Variants in SUMF1 observed in about 807,000 individuals in gnomAD.
SUMF1 encodes the protein sulfatase modifying factor 1, also known as formylglycine-generating enzyme.
A neutral mutation model predicts 47.6 loss-of-function variants in SUMF1; 48 were observed. The observed-to-expected ratio is 1.01, with a 90% CI of 0.80 to 1.28. The LOEUF (loss-of-function observed/expected upper bound fraction) is 1.28. Among genes scored for constraint, SUMF1 ranks in the 50% most tolerant of loss-of-function variants. SUMF1 has a pLI of 0.00. For missense variants in SUMF1, 571 were observed against 485.4 expected, an observed-to-expected ratio of 1.18 and a Z score of -1.66; for synonymous variants, 230 against 192.1, an observed-to-expected ratio of 1.20 and a Z score of -1.63.
Position 4,361,948 on chromosome 3 carries a change from C to T in SUMF1, c.*196G>A. On this transcript the variant is annotated 3_prime_UTR_variant, in exon 9 of 9. Transcript: ENST00000272902. ...AATATGGTGATGATCTCCAAAGATG[C>T]ACCACACCATAAAGCACATGCACTG... 1.7e-6 allele frequency: 1 copy of T among 589,300 alleles called. No individual in the cohort carries two copies. Among genetic ancestry groups the T allele is most frequent in the Non-Finnish European group, 3.1e-6 (1 of 327,720 alleles). The allele number at this position is 589,300 out of a possible 1,614,324, so 36.5% of individuals were successfully genotyped here. A position where few individuals can be genotyped will look rare whatever the true frequency, so the allele number is the denominator to read the frequency against.
chr3:4,158,017 G>C (rs1694493472), intron 8 of SUMF1, among the ~76,000 whole-genome samples: 1 of 151,524 alleles, frequency 6.6e-6, no homozygotes, highest in South Asian at 2.1e-4. Context: ...ATTTAAACTA[G>C]TGCCTTAATT....
intron 7 of SUMF1, among the ~76,000 whole-genome samples, chr3:4,408,861 C>A (rs1477333411): frequency 4.0e-5 from 6 of 151,874 alleles, no homozygotes; most frequent in Non-Finnish European, 8.8e-5. Flanking sequence ...ACTTGGGAGG[C>A]TGAGGCATGA....
chr3:4,359,124 C>G (rs888495860), downstream of SUMF1, among the ~76,000 whole-genome samples: 1 of 152,156 alleles, frequency 6.6e-6, no homozygotes, highest in East Asian at 1.9e-4. Context: ...GCATTCAAAC[C>G]GAACTTTTCT....
intron 8 of SUMF1, among the ~76,000 whole-genome samples, chr3:4,106,460 G>A (rs989965350): frequency 2.6e-5 from 4 of 152,106 alleles, no homozygotes; most frequent in Non-Finnish European, 5.9e-5. Flanking sequence ...ATGCCTCATT[G>A]TAGGTAATAG....
intron 8 of SUMF1, among the ~76,000 whole-genome samples, chr3:4,131,115 C>T (rs1024867956): frequency 9.2e-5 from 14 of 152,138 alleles, no homozygotes; most frequent in South Asian, 2.1e-4. Flanking sequence ...TTTGACTATG[C>T]GTCATCAAGT....
downstream of SUMF1, among the ~76,000 whole-genome samples, chr3:4,358,818 C>T (rs993374366): frequency 5.9e-5 from 9 of 152,202 alleles, no homozygotes; most frequent in South Asian, 2.1e-4. Context: ...TTTTGATGGA[C>T]GTGATCTCCA....
chr3:4,404,186 A>C (rs1015470748), intron 7 of SUMF1, among the ~76,000 whole-genome samples: 1 of 152,228 alleles, frequency 6.6e-6, no homozygotes, highest in Admixed American at 6.5e-5. Context: ...ATCCACAGTG[A>C]AAAATTACAA....
At chr3:4,066,484 T>A (rs1695378302) in intron 9 of SUMF1, among the ~76,000 whole-genome samples, 1 of 152,256 alleles carries the variant, frequency 6.6e-6, no homozygotes, top group South Asian at 2.1e-4. Flanking sequence ...CTTACATTTG[T>A]CTTATCCGAC....
intron 8 of SUMF1, among the ~76,000 whole-genome samples, chr3:4,081,234 G>A (rs963972488): frequency 1.3e-5 from 2 of 152,054 alleles, no homozygotes; most frequent in African/African-American, 4.8e-5. Flanking sequence ...AGCAAAGCCA[G>A]GACCAGAACC....
At chr3:4,298,459 T>C (rs1697902806) in intron 8 of SUMF1, among the ~76,000 whole-genome samples, 1 of 152,144 alleles carries the variant, frequency 6.6e-6, no homozygotes, top group Non-Finnish European at 1.5e-5. Flanking sequence ...ACAAAATATC[T>C]TATTCTGGAA....
At chr3:4,101,688 T>C (rs1250783427) in intron 8 of SUMF1, among the ~76,000 whole-genome samples, 1 of 152,192 alleles carries the variant, frequency 6.6e-6, no homozygotes, top group African/African-American at 2.4e-5. Context: ...AAGTGACAGA[T>C]ATGCTATTTA....
At chr3:4,138,207 C>T (rs971250862) in intron 8 of SUMF1, among the ~76,000 whole-genome samples, 4 of 151,986 alleles carry the variant, frequency 2.6e-5, no homozygotes, top group Admixed American at 6.6e-5. Flanking sequence ...ATTGTTAAGA[C>T]GACAACACTA....
chr3:4,458,011 A>T (rs1187161500), intron 1 of SUMF1, among the ~76,000 whole-genome samples: 1 of 152,236 alleles, frequency 6.6e-6, no homozygotes, highest in African/African-American at 2.4e-5. Flanking sequence ...AATATTCAAA[A>T]TATATAAGGA....
chr3:4,283,367 A>T (rs968445700), intron 8 of SUMF1, among the ~76,000 whole-genome samples: 1 of 152,228 alleles, frequency 6.6e-6, no homozygotes. Context: ...TCTGTGGGAT[A>T]AACTTAGGGG....
intron 7 of SUMF1, among the ~76,000 whole-genome samples, chr3:4,382,129 T>G (rs1700522476): frequency 6.6e-6 from 1 of 152,112 alleles, no homozygotes; most frequent in Non-Finnish European, 1.5e-5. Flanking sequence ...CTAAAATCAG[T>G]GAGTGAAAGG....
At chr3:4,409,874 G>A (rs979124950) in intron 7 of SUMF1, among the ~76,000 whole-genome samples, 3 of 152,116 alleles carry the variant, frequency 2.0e-5, no homozygotes, top group African/African-American at 7.2e-5. Context: ...CTTTATTCCC[G>A]TATTCTGAAA....
intron 8 of SUMF1, among the ~76,000 whole-genome samples, chr3:4,111,069 C>CG (rs146515270): frequency 0.049 from 7,452 of 151,280 alleles, 503 homozygotes; most frequent in East Asian, 0.15. Context: ...TCAAAGTCAG[C>CG]ATTTTTTTTA....
intron 8 of SUMF1, among the ~76,000 whole-genome samples, chr3:4,201,515 T>G (rs1349788556): frequency 6.6e-6 from 1 of 152,168 alleles, no homozygotes; most frequent in Non-Finnish European, 1.5e-5. Context: ...ATTGTATGTA[T>G]GAATCACATT....
chr3:4,262,133 A>G (rs1467470881), intron 8 of SUMF1, among the ~76,000 whole-genome samples: 1 of 152,118 alleles, frequency 6.6e-6, no homozygotes, highest in Non-Finnish European at 1.5e-5. Context: ...GCAAAGAGCT[A>G]AAGGGTAGTG....
Sources: gnomAD v4.1 joint callset for allele counts (sites outside exome capture counted in the v4.1 genomes callset) on GRCh38, gnomAD v4.1.1 for gene constraint, MANE v1.5 for transcripts, NCBI Gene and HGNC (gene_info 2026-07-23, HGNC 2026-07-21) for gene names.